CRTAC1: variants seen among roughly 807,000 people sequenced by gnomAD.
CRTAC1 encodes the protein acidic secreted protein in cartilage.
CRTAC1 carries 37 observed loss-of-function variants against 67.8 expected under a neutral mutation model. The observed-to-expected ratio is 0.55, with a 90% CI of 0.42 to 0.72. The LOEUF is 0.72. Ranked by LOEUF, CRTAC1 falls within the 30% of genes least tolerant of loss-of-function variation. The pLI, the probability that CRTAC1 is intolerant of heterozygous loss-of-function variation, is 0.00. For missense variants in CRTAC1, 780 were observed against 931.6 expected (o/e 0.84, Z 2.12); for synonymous variants, 348 against 371.0 (o/e 0.94, Z 0.71).
chr10:97,903,901 CT>C (rs2050574434), intron 7 of CRTAC1, among the ~76,000 whole-genome samples: 1 of 152,108 alleles, frequency 6.6e-6, no homozygotes, highest in African/African-American at 2.4e-5. Flanking sequence ...TGCTGTTTGT[CT>C]TTAGGGGCAG....
chr10:98,011,631 C>T (rs1457338293), intron 1 of CRTAC1, among the ~76,000 whole-genome samples: 1 of 152,196 alleles, frequency 6.6e-6, no homozygotes, highest in South Asian at 2.1e-4. Flanking sequence ...TATGATTACA[C>T]TTATTATTTA....
At chr10:97,887,805 C>T (rs2050309646) in intron 11 of CRTAC1, among the ~76,000 whole-genome samples, 1 of 152,242 alleles carries the variant, frequency 6.6e-6, no homozygotes, top group Non-Finnish European at 1.5e-5. Context: ...TGCTGTTAAC[C>T]ATTCACCTCA....
At chr10:97,918,347 A>T (rs1207187813) in intron 4 of CRTAC1, among the ~76,000 whole-genome samples, 1 of 152,154 alleles carries the variant, frequency 6.6e-6, no homozygotes, top group Non-Finnish European at 1.5e-5. Flanking sequence ...TGCAAGAGTC[A>T]TTCTCTTCTC....
intron 2 of CRTAC1, among the ~76,000 whole-genome samples, chr10:98,009,155 T>C (rs1174579122): frequency 6.6e-6 from 1 of 152,222 alleles, no homozygotes; most frequent in African/African-American, 2.4e-5. Flanking sequence ...TTCAGCTCTT[T>C]AGTTTTTTCC....
chr10:97,944,292 G>A (rs535949128), intron 2 of CRTAC1, among the ~76,000 whole-genome samples: 4 of 152,054 alleles, frequency 2.6e-5, no homozygotes, highest in South Asian at 2.1e-4. Flanking sequence ...TTAGCTGAGC[G>A]TGGTGGTGCA....
intron 2 of CRTAC1, among the ~76,000 whole-genome samples, chr10:97,970,018 T>C (rs1011682579): frequency 4.6e-5 from 7 of 152,154 alleles, no homozygotes; most frequent in African/African-American, 1.4e-4. Flanking sequence ...AAACTTAACT[T>C]ATCAAAAACT....
At chr10:97,948,903 G>C (rs548750674) in intron 2 of CRTAC1, among the ~76,000 whole-genome samples, 19 of 152,254 alleles carry the variant, frequency 1.2e-4, no homozygotes, top group Non-Finnish European at 2.2e-4. Flanking sequence ...AGCAAGGAGT[G>C]GGGGAAAGCC....
At chr10:97,927,677 T>C (rs1206852462) in intron 3 of CRTAC1, among the ~76,000 whole-genome samples, 1 of 152,204 alleles carries the variant, frequency 6.6e-6, no homozygotes, top group Non-Finnish European at 1.5e-5. Flanking sequence ...TGCAGAGCCT[T>C]GTAGATCATA....
At chr10:97,993,178 A>T (rs908856726) in intron 2 of CRTAC1, among the ~76,000 whole-genome samples, 13 of 152,180 alleles carry the variant, frequency 8.5e-5, no homozygotes, top group African/African-American at 3.1e-4. Context: ...AGGCTCAATG[A>T]TACTGTCAGT....
At position 97,895,748 on chromosome 10, in the gene CRTAC1, T is replaced by C. The variant is rs1055996936; in HGVS notation, c.1317+137A>G. 4.4e-6 allele frequency: 3 copies of C among 684,980 alleles called. No homozygotes were observed. The highest frequency in any genetic ancestry group is 7.2e-6 in the Non-Finnish European group (3 of 414,466). 42.4% of individuals were successfully genotyped at this position (684,980 alleles called of 1,614,324 possible). A position where few individuals can be genotyped will look rare whatever the true frequency, so the allele number is the denominator to read the frequency against. On this transcript the variant is annotated intron_variant, in intron 10 of 14. Transcript: ENST00000370597. This position sits in a 1 kb window ranked among gnomAD's most constrained non-coding sequence, Gnocchi z 4.2. ...GCTTCCCGGTGCTGCTGGAATTTACTTCCCTCCTCCAGGGCCCGGGACTTC... is the reference window on the plus strand; with the variant it reads ...GCTTCCCGGTGCTGCTGGAATTTACCTCCCTCCTCCAGGGCCCGGGACTTC...
At chr10:97,933,868 G>T (rs1230588643) in intron 3 of CRTAC1, among the ~76,000 whole-genome samples, 1 of 152,196 alleles carries the variant, frequency 6.6e-6, no homozygotes, top group Non-Finnish European at 1.5e-5. Context: ...TTACCATCTG[G>T]TGACTGGGTC....
chr10:97,879,928 G>A (rs1460436840), intron 14 of CRTAC1: 9 of 855,752 alleles, frequency 1.1e-5, no homozygotes, highest in Non-Finnish European at 5.4e-6. Context: ...CCAAAGATGA[G>A]TAGTAGGAGT....
intron 14 of CRTAC1, chr10:97,879,634 T>C (rs1227281745): frequency 6.5e-6 from 10 of 1,529,930 alleles, no homozygotes; most frequent in Non-Finnish European, 8.8e-6. Context: ...GATTTAGTTT[T>C]CCACAAAGGC....
intron 2 of CRTAC1, among the ~76,000 whole-genome samples, chr10:97,972,080 A>G (rs892333058): frequency 6.6e-6 from 1 of 152,184 alleles, no homozygotes. Flanking sequence ...TGGCCTGACC[A>G]TCACACTTAC....
chr10:97,946,649 A>G (rs567939737), intron 2 of CRTAC1, among the ~76,000 whole-genome samples: 1 of 152,128 alleles, frequency 6.6e-6, no homozygotes, highest in Non-Finnish European at 1.5e-5. Flanking sequence ...CAGGAAGGAT[A>G]AGGATGTGGT....
intron 6 of CRTAC1, among the ~76,000 whole-genome samples, chr10:97,906,308 C>T (rs1182093440): frequency 5.9e-5 from 9 of 152,188 alleles, no homozygotes; most frequent in African/African-American, 1.7e-4. Context: ...TGGCCTTCTG[C>T]GTTGGCCCAT....
At chr10:98,023,234 C>T (rs959555434) in intron 1 of CRTAC1, among the ~76,000 whole-genome samples, 15 of 152,148 alleles carry the variant, frequency 9.9e-5, no homozygotes, top group Non-Finnish European at 2.9e-5. Flanking sequence ...ATGGAGTGGG[C>T]CTTGCCTGGA....
intron 3 of CRTAC1, among the ~76,000 whole-genome samples, chr10:97,929,364 G>A (rs1254115164): frequency 6.6e-6 from 1 of 152,084 alleles, no homozygotes; most frequent in Non-Finnish European, 1.5e-5. Context: ...GAACAAGAGG[G>A]CACCTAGAGC....
intron 1 of CRTAC1, among the ~76,000 whole-genome samples, chr10:98,013,642 G>C (rs752576796): frequency 4.4e-4 from 67 of 152,222 alleles, no homozygotes; most frequent in Non-Finnish European, 9.0e-4. Context: ...TTCTCTAAAG[G>C]TCCTTTCTGG....
Sources: gnomAD v4.1 joint callset for allele counts (sites outside exome capture counted in the v4.1 genomes callset) on GRCh38, gnomAD v4.1.1 for gene constraint, Gnocchi (gnomAD v3.1) non-coding constraint, MANE v1.5 for transcripts, NCBI Gene and HGNC (gene_info 2026-07-23, HGNC 2026-07-21) for gene names.